The following PRKN variants were observed in gnomAD, a reference collection of about 807,000 sequenced individuals.
PRKN encodes E3 ubiquitin-protein ligase parkin.
A neutral mutation model predicts 59.5 loss-of-function variants in PRKN; 56 were observed. The observed-to-expected ratio is 0.94, with a 90% CI of 0.76 to 1.18. The LOEUF is 1.18. PRKN is among the 50% of genes most tolerant of loss of function. The pLI, the probability that PRKN is intolerant of heterozygous loss-of-function variation, is 0.00. For synonymous variants in PRKN, 250 were observed against 222.1 expected (o/e 1.13, Z -1.12); for missense variants, 657 against 596.4 (o/e 1.10, Z -1.06).
chr6:162,176,950 A>C (rs1783567691), intron 4 of PRKN, among the ~76,000 whole-genome samples: 1 of 150,776 alleles, frequency 6.6e-6, no homozygotes, highest in Admixed American at 6.6e-5. Context: ...TTTTGGGAAA[A>C]GGAGTCCTTT....
intron 5 of PRKN, among the ~76,000 whole-genome samples, chr6:162,030,210 A>G (rs1323740817): frequency 1.3e-5 from 2 of 152,080 alleles, no homozygotes; most frequent in East Asian, 3.9e-4. Context: ...GAAACTTTTA[A>G]TACATCCCTA....
intron 7 of PRKN, among the ~76,000 whole-genome samples, chr6:161,590,735 C>CAAA (rs367972243): frequency 4.3e-4 from 43 of 99,498 alleles, no homozygotes; most frequent in African/African-American, 1.6e-3. Context: ...GACTCTGTCT[C>CAAA]AAAAAAAAAA....
At chr6:162,234,863 C>T (rs1288665165) in intron 3 of PRKN, among the ~76,000 whole-genome samples, 1 of 152,152 alleles carries the variant, frequency 6.6e-6, no homozygotes, top group Non-Finnish European at 1.5e-5. Flanking sequence ...GACTTCAGCA[C>T]ATCGGCACAA....
intron 7 of PRKN, among the ~76,000 whole-genome samples, chr6:161,610,972 G>A (rs1782468014): frequency 6.6e-6 from 1 of 152,168 alleles, no homozygotes; most frequent in Admixed American, 6.5e-5. Context: ...AGTTACTGGA[G>A]CATTTTGAGG....
At chr6:162,117,590 A>G (rs1046179027) in intron 4 of PRKN, among the ~76,000 whole-genome samples, 1 of 152,148 alleles carries the variant, frequency 6.6e-6, no homozygotes, top group Admixed American at 6.5e-5. Context: ...AGCTCTTGAG[A>G]TGGTGTCAGA....
At chr6:161,469,159 T>C (rs143450375) in intron 9 of PRKN, among the ~76,000 whole-genome samples, 4,788 of 152,298 alleles carry the variant, frequency 0.031, 143 homozygotes, top group Admixed American at 0.079. Context: ...TAATCCACCA[T>C]GTCAAGGATG....
intron 1 of PRKN, among the ~76,000 whole-genome samples, chr6:162,559,129 C>T (rs1293996944): frequency 8.2e-6 from 1 of 122,170 alleles, no homozygotes; most frequent in Non-Finnish European, 1.6e-5. Flanking sequence ...CCTGCCTGGG[C>T]GACAGAGCAA....
chr6:161,747,432 T>C (rs566022433), intron 7 of PRKN, among the ~76,000 whole-genome samples: 1 of 152,216 alleles, frequency 6.6e-6, no homozygotes. Context: ...CTGATTATTT[T>C]AAACAAATTG....
At chr6:162,510,523 G>A (rs1334538311) in intron 1 of PRKN, among the ~76,000 whole-genome samples, 1 of 152,192 alleles carries the variant, frequency 6.6e-6, no homozygotes, top group Non-Finnish European at 1.5e-5. Context: ...CTGGGGAGCA[G>A]GGTGAAGACA....
chr6:162,289,183 C>G (rs1781320671), intron 2 of PRKN, among the ~76,000 whole-genome samples: 1 of 152,144 alleles, frequency 6.6e-6, no homozygotes, highest in Admixed American at 6.6e-5. Context: ...GAGAGAAGGA[C>G]CTGCTCCAGG....
intron 2 of PRKN, among the ~76,000 whole-genome samples, chr6:162,272,814 G>A (rs1223213969): frequency 6.6e-6 from 1 of 151,606 alleles, no homozygotes; most frequent in African/African-American, 2.4e-5. Flanking sequence ...CCTGGCACAC[G>A]TGGCAAAACC....
intron 5 of PRKN, among the ~76,000 whole-genome samples, chr6:161,992,332 T>C (rs1414857951): frequency 6.6e-6 from 1 of 152,110 alleles, no homozygotes; most frequent in African/African-American, 2.4e-5. Flanking sequence ...AGAGTGAGAT[T>C]CTGTCTTTAA....
In PRKN at chr6:161,448,894, T is replaced by C. The variant is rs1789607420; in HGVS notation, c.1084-62017A>G. ...AAAGCGTTCAAGGTAGAGGATGACT[T>C]TGGGACTCTGGCAACACAGGAAGCC... On this transcript the variant is annotated intron_variant, in intron 9 of 11. Coordinates refer to ENST00000366898, the MANE Select transcript of PRKN (RefSeq NM_004562.3). The surrounding 1 kb of genome is among the most constrained non-coding windows in gnomAD (Gnocchi z 5.1). Among the ~76,000 whole-genome samples the C allele has an allele frequency of 6.6e-6, 1 of 152,156 alleles. No individual in the cohort carries two copies. The highest frequency in any genetic ancestry group is 1.9e-4 in the East Asian group (1 of 5,194).
chr6:162,508,215 C>T (rs1347069125), intron 1 of PRKN, among the ~76,000 whole-genome samples: 1 of 152,162 alleles, frequency 6.6e-6, no homozygotes, highest in African/African-American at 2.4e-5. Context: ...GACTTACTCA[C>T]TACTGTGAGA....
At chr6:161,689,542 G>T (rs1377873088) in intron 7 of PRKN, among the ~76,000 whole-genome samples, 1 of 152,142 alleles carries the variant, frequency 6.6e-6, no homozygotes, top group African/African-American at 2.4e-5. Context: ...GGGTCATTGG[G>T]AACAGTGGGC....
intron 7 of PRKN, among the ~76,000 whole-genome samples, chr6:161,650,023 A>T (rs1673300102): frequency 6.6e-6 from 1 of 152,202 alleles, no homozygotes; most frequent in Admixed American, 6.5e-5. Context: ...GTCTCAGCTG[A>T]GGCCTCAGAA....
At chr6:162,311,697 TATAA>T (rs1431486406) in intron 2 of PRKN, among the ~76,000 whole-genome samples, 2 of 152,002 alleles carry the variant, frequency 1.3e-5, no homozygotes, top group African/African-American at 4.8e-5. Flanking sequence ...TTGGCCAGGC[TATAA>T]ATAATTATTA....
At chr6:162,081,790 T>C (rs1251864270) in intron 4 of PRKN, among the ~76,000 whole-genome samples, 2 of 152,140 alleles carry the variant, frequency 1.3e-5, no homozygotes, top group Non-Finnish European at 2.9e-5. Context: ...AAGTCCTAGA[T>C]AGCATCTTGT....
At chr6:162,242,409 A>C (rs1207422945) in intron 3 of PRKN, among the ~76,000 whole-genome samples, 1 of 152,146 alleles carries the variant, frequency 6.6e-6, no homozygotes, top group African/African-American at 2.4e-5. Context: ...GCCTAACATG[A>C]ACCTCTTAGT....
Sources: gnomAD v4.1 joint callset for allele counts (sites outside exome capture counted in the v4.1 genomes callset) on GRCh38, gnomAD v4.1.1 for gene constraint, Gnocchi (gnomAD v3.1) non-coding constraint, MANE v1.5 for transcripts, NCBI Gene and HGNC (gene_info 2026-07-23, HGNC 2026-07-21) for gene names.